Variants in LUZP2 observed in about 807,000 individuals in gnomAD.
The protein encoded by LUZP2 is leucine zipper protein 2.
Under a neutral mutation model 51.6 loss-of-function variants are expected in LUZP2, and 52 were observed. That is an observed-to-expected ratio of 1.01 (90% confidence interval 0.81 to 1.27). The LOEUF (loss-of-function observed/expected upper bound fraction) is 1.27, where lower values mean the gene tolerates loss of function less well. LUZP2 is among the 50% of genes most tolerant of loss of function. The pLI is 0.00. For synonymous variants in LUZP2, 154 were observed against 137.3 expected, an observed-to-expected ratio of 1.12 and a Z score of -0.85; for missense variants, 436 against 395.4, an observed-to-expected ratio of 1.10 and a Z score of -0.87.
At chr11:24,833,570 G>A (rs1486452680) in intron 5 of LUZP2, among the ~76,000 whole-genome samples, 2 of 152,078 alleles carry the variant, frequency 1.3e-5, no homozygotes, top group African/African-American at 2.4e-5. Flanking sequence ...CTGTCAATCA[G>A]AATTATCAGG....
At chr11:24,634,102 T>C (rs1854992241) in intron 1 of LUZP2, among the ~76,000 whole-genome samples, 1 of 151,986 alleles carries the variant, frequency 6.6e-6, no homozygotes, top group South Asian at 2.1e-4. Context: ...AGTATGATCT[T>C]GAGCAAATTA....
chr11:24,982,487 C>A (rs1434759383), intron 8 of LUZP2, among the ~76,000 whole-genome samples: 1 of 151,780 alleles, frequency 6.6e-6, no homozygotes, highest in East Asian at 1.9e-4. Context: ...AGTCTATTAT[C>A]CTTAGAAAAC....
intron 10 of LUZP2, among the ~76,000 whole-genome samples, chr11:25,063,635 T>G (rs1361816183): frequency 6.6e-5 from 10 of 152,064 alleles, no homozygotes; most frequent in Middle Eastern, 3.4e-3. Flanking sequence ...GTGGATGGCA[T>G]TGCATTAATG....
chr11:24,721,667 C>A (rs1427470780), intron 1 of LUZP2, among the ~76,000 whole-genome samples: 1 of 152,100 alleles, frequency 6.6e-6, no homozygotes, highest in African/African-American at 2.4e-5. Context: ...ATGTTATGAT[C>A]TCTAAATAAA....
intron 4 of LUZP2, among the ~76,000 whole-genome samples, chr11:24,745,645 TG>T (rs1327720692): frequency 3.9e-4 from 59 of 152,180 alleles, no homozygotes; most frequent in African/African-American, 1.4e-3. Flanking sequence ...GTCAATTGGT[TG>T]GCAAGCTTTT....
intron 1 of LUZP2, among the ~76,000 whole-genome samples, chr11:24,637,126 G>A (rs562553043): frequency 1.3e-5 from 2 of 151,874 alleles, no homozygotes; most frequent in South Asian, 4.1e-4. Flanking sequence ...TGTAGAGGAT[G>A]AGCAGAGTGT....
intron 4 of LUZP2, among the ~76,000 whole-genome samples, chr11:24,750,317 A>G (rs1158791015): frequency 6.6e-6 from 1 of 152,160 alleles, no homozygotes; most frequent in Non-Finnish European, 1.5e-5. Flanking sequence ...ACCTTTGTAT[A>G]TGGTGCAGTA....
At chr11:24,977,989 G>C (rs1211226067) in intron 8 of LUZP2, among the ~76,000 whole-genome samples, 2 of 151,430 alleles carry the variant, frequency 1.3e-5, no homozygotes, top group Admixed American at 1.3e-4. Context: ...AAGCAAGTAA[G>C]ATGATTGCAA....
intron 1 of LUZP2, among the ~76,000 whole-genome samples, chr11:24,706,590 CT>C (rs1857590070): frequency 6.6e-6 from 1 of 151,976 alleles, no homozygotes; most frequent in Non-Finnish European, 1.5e-5. Context: ...AAAGTGCAGC[CT>C]AAACTACCAT....
At chr11:24,844,020 C>A (rs935188728) in intron 5 of LUZP2, among the ~76,000 whole-genome samples, 2 of 151,958 alleles carry the variant, frequency 1.3e-5, no homozygotes, top group Non-Finnish European at 2.9e-5. Context: ...TAGATTGGTA[C>A]CAGTAGAGTG....
chr11:25,057,636 A>T (rs1858726359), intron 10 of LUZP2, among the ~76,000 whole-genome samples: 1 of 152,152 alleles, frequency 6.6e-6, no homozygotes, highest in Non-Finnish European at 1.5e-5. Flanking sequence ...TTAAGAGTTA[A>T]TATTCAATGT....
chr11:25,063,029 G>GA (rs1381631650), intron 10 of LUZP2, among the ~76,000 whole-genome samples: 3 of 149,936 alleles, frequency 2.0e-5, no homozygotes, highest in African/African-American at 4.9e-5. Flanking sequence ...TTTTTTCAGA[G>GA]AAAAAAATAC....
intron 1 of LUZP2, among the ~76,000 whole-genome samples, chr11:24,523,231 G>T (rs777567752): frequency 6.6e-6 from 1 of 151,746 alleles, no homozygotes; most frequent in Admixed American, 6.6e-5. Context: ...CTTTATATAC[G>T]ATGCTTAATT....
intron 5 of LUZP2, among the ~76,000 whole-genome samples, chr11:24,838,899 C>G (rs895821612): frequency 6.6e-6 from 1 of 151,592 alleles, no homozygotes; most frequent in African/African-American, 2.4e-5. Flanking sequence ...TTTGAATTCT[C>G]TATGAAGCTC....
chr11:24,614,384 T>C (rs756758871), intron 1 of LUZP2, among the ~76,000 whole-genome samples: 1 of 152,010 alleles, frequency 6.6e-6, no homozygotes, highest in Non-Finnish European at 1.5e-5. Context: ...CTACTTTCAC[T>C]CTTGAGCCAC....
At chr11:24,566,792 G>C (rs897360044) in intron 1 of LUZP2, among the ~76,000 whole-genome samples, 44 of 144,048 alleles carry the variant, frequency 3.1e-4, no homozygotes, top group African/African-American at 1.1e-3. Context: ...TATATATAAT[G>C]TATATATACA....
chr11:24,680,244 G>T (rs189099455), intron 1 of LUZP2, among the ~76,000 whole-genome samples: 2 of 152,212 alleles, frequency 1.3e-5, no homozygotes, highest in African/African-American at 4.8e-5. Flanking sequence ...AAGGAGCAAG[G>T]CTCATTACTT....
At chr11:25,040,302 A>G (rs1209397508) in intron 9 of LUZP2, among the ~76,000 whole-genome samples, 1 of 138,790 alleles carries the variant, frequency 7.2e-6, no homozygotes, top group Admixed American at 7.1e-5. Flanking sequence ...TATACTGTAT[A>G]TGCATAGTTC....
chr11:24,689,942 G>A (rs183199411), intron 1 of LUZP2, among the ~76,000 whole-genome samples: 2 of 150,812 alleles, frequency 1.3e-5, no homozygotes, highest in African/African-American at 5.0e-5. Flanking sequence ...TAAAAATAAG[G>A]GTAGTGAGGA....
Sources: allele counts gnomAD v4.1 joint callset (sites outside exome capture counted in the v4.1 genomes callset), GRCh38; gene constraint gnomAD v4.1.1; transcripts MANE v1.5; gene names NCBI Gene and HGNC (gene_info 2026-07-23, HGNC 2026-07-21).